The following WSCD1 variants were observed in gnomAD, a reference collection of about 807,000 sequenced individuals.
WSCD1 encodes the protein sialate:O-sulfotransferase 1.
WSCD1 carries 41 observed loss-of-function variants against 60.4 expected under a neutral mutation model. The ratio of observed to expected loss-of-function variants is 0.68; its 90% CI spans 0.53 to 0.88. The LOEUF is 0.88. Among genes scored for constraint, WSCD1 ranks in the 40% least tolerant of loss-of-function variants. The probability of loss-of-function intolerance (pLI) is 0.00; values close to 1 mark genes in which losing one functional copy is unlikely to be tolerated. For synonymous variants in WSCD1, 361 were observed against 332.5 expected (o/e 1.09, Z -0.93); for missense variants, 784 against 796.2 (o/e 0.98, Z 0.18).
rs937454149 is a variant in WSCD1, at chr17:6,101,955, G to A, written c.849+6732G>A. Among the ~76,000 whole-genome samples, 3 of 152,236 alleles carry A rather than the reference G, an allele frequency of 2.0e-5. No individual in the cohort carries two copies. The highest frequency in any genetic ancestry group is 2.9e-5 in the Non-Finnish European group (2 of 68,040). ...ATCTGCAAATAGGTTACTAATGTGA[G>A]ACACTCCACCGGCGATTATACCTTG... On this transcript the variant is annotated intron_variant, in intron 5 of 8. Coordinates refer to ENST00000317744, the MANE Select transcript of WSCD1 (RefSeq NM_015253.2). This position sits in a 1 kb window ranked among gnomAD's most constrained non-coding sequence, Gnocchi z 4.1.
At chr17:6,092,560 C>T (rs549066746) in intron 4 of WSCD1, among the ~76,000 whole-genome samples, 85 of 152,294 alleles carry the variant, frequency 5.6e-4, no homozygotes, top group African/African-American at 1.9e-3. Flanking sequence ...TGCCATGGCA[C>T]GTGGGCACAG....
chr17:6,102,059 G>A (rs1433986196), intron 5 of WSCD1, among the ~76,000 whole-genome samples: 1 of 152,236 alleles, frequency 6.6e-6, no homozygotes, highest in Non-Finnish European at 1.5e-5. Flanking sequence ...GAAGAAAGGT[G>A]TTGAGCTTTC....
In WSCD1 at chr17:6,075,279, C is replaced by A. The variant is rs1908775938; in HGVS notation, c.-289+4627C>A. ...TTCCCTTCAGCTGCCTCTGCCTGTT[C>A]TCTCTGACCGGGGGTCACGGGGAGG... is the stretch of plus-strand genomic sequence containing the variant. On this transcript the variant is annotated intron_variant, in intron 1 of 8. Transcript: ENST00000317744. The surrounding 1 kb of genome is among the most constrained non-coding windows in gnomAD (Gnocchi z 4.1). 6.6e-6 allele frequency among the ~76,000 whole-genome samples: 1 copy of A among 152,170 alleles called. No homozygotes were observed. Among genetic ancestry groups the A allele is most frequent in the African/African-American group, 2.4e-5 (1 of 41,430 alleles).
chr17:6,111,970 A>C (rs923098498), intron 7 of WSCD1, among the ~76,000 whole-genome samples: 1 of 152,238 alleles, frequency 6.6e-6, no homozygotes, highest in Admixed American at 6.5e-5. Flanking sequence ...TAGTTGAATA[A>C]TTAAAATGAA....
At chr17:6,095,279 G>A in intron 5 of WSCD1, 56 bp downstream of exon 5, 2 of 1,556,992 alleles carry the variant, frequency 1.3e-6, no homozygotes, top group Non-Finnish European at 1.7e-6. Flanking sequence ...TGGTGGTCCT[G>A]AGAGAGGGGG....
At chr17:6,091,871 G>A (rs186693138) in intron 4 of WSCD1, among the ~76,000 whole-genome samples, 2 of 152,242 alleles carry the variant, frequency 1.3e-5, no homozygotes, top group African/African-American at 2.4e-5. Context: ...AGAGGTATTG[G>A]AACAGCCGGG....
chr17:6,122,646 G>C lies in WSCD1; in HGVS notation c.*1985G>C, dbSNP rs1904787058. 2 of 152,726 alleles carry C rather than the reference G, an allele frequency of 1.3e-5. No homozygotes were observed. The highest frequency in any genetic ancestry group is 2.9e-5 in the Non-Finnish European group (2 of 68,516). The allele number at this position is 152,726 out of a possible 1,614,324, so 9.5% of individuals were successfully genotyped here. A position where few individuals can be genotyped will look rare whatever the true frequency, so the allele number is the denominator to read the frequency against. ...GCGTGGCAGTGGGGAAGCCATGGAG[G>C]CTGGGAAGGGCAAAGTGTGGAGAGA... On this transcript the variant is annotated 3_prime_UTR_variant, in exon 9 of 9. Coordinates refer to ENST00000317744, the MANE Select transcript of WSCD1 (RefSeq NM_015253.2).
At position 6,080,601 on chromosome 17, in the gene WSCD1, C is replaced by A. The variant is rs1909166960; in HGVS notation, c.-58C>A. ...CCTCCGGAGGCCCTGGCCTCACTCC[C>A]ACCTGGGCGCTAGGAGCCATCCCGG... On this transcript the variant is annotated 5_prime_UTR_variant, in exon 2 of 9. Coordinates refer to ENST00000317744, the MANE Select transcript of WSCD1 (RefSeq NM_015253.2). This position sits in a 1 kb window ranked among gnomAD's most constrained non-coding sequence, Gnocchi z 6.6. The A allele has an allele frequency of 1.3e-6, 2 of 1,586,194 alleles. No homozygotes were observed. Among genetic ancestry groups the A allele is most frequent in the East Asian group, 2.2e-5 (1 of 44,724 alleles).
intron 2 of WSCD1, among the ~76,000 whole-genome samples, chr17:6,087,499 G>T (rs887314371): frequency 6.6e-6 from 1 of 152,192 alleles, no homozygotes; most frequent in Non-Finnish European, 1.5e-5. Context: ...AGCTTTCCCC[G>T]TTTGAAAGAT....
At chr17:6,091,961 C>G (rs1245586118) in intron 4 of WSCD1, among the ~76,000 whole-genome samples, 4 of 152,094 alleles carry the variant, frequency 2.6e-5, no homozygotes, top group African/African-American at 4.8e-5. Flanking sequence ...TCGAGACCAG[C>G]CTGACCAACA....
chr17:6,106,828 G>A (rs982055723), intron 5 of WSCD1, among the ~76,000 whole-genome samples: 4 of 152,170 alleles, frequency 2.6e-5, no homozygotes, highest in African/African-American at 4.8e-5. Context: ...CTTGAAGAAA[G>A]TGAGGGAGAG....
At chr17:6,073,277 A>C (rs192478437) in intron 1 of WSCD1, among the ~76,000 whole-genome samples, 311 of 152,338 alleles carry the variant, frequency 2.0e-3, no homozygotes, top group African/African-American at 6.1e-3. Flanking sequence ...ACGACCCTTA[A>C]GCTTTCAGCA....
chr17:6,089,725 C>G (rs997564712), intron 3 of WSCD1, among the ~76,000 whole-genome samples: 1 of 152,282 alleles, frequency 6.6e-6, no homozygotes. Context: ...CTCTCCCTGT[C>G]GCATACTGAG....
intron 5 of WSCD1, among the ~76,000 whole-genome samples, chr17:6,098,899 T>C (rs543980511): frequency 3.7e-4 from 57 of 152,124 alleles, no homozygotes; most frequent in Admixed American, 5.9e-4. Context: ...GGAAGGAGGC[T>C]GAGAAAGGAA....
Position 6,120,996 on chromosome 17 carries a change from C to G in WSCD1, c.*335C>G, listed in dbSNP as rs1904662424. On this transcript the variant is annotated 3_prime_UTR_variant, in exon 9 of 9. Transcript: ENST00000317744. ...CAAATGCAGCCACGCACAGACGTAA[C>G]ACACAGGTGCCAGGCCGTGTGCTCC... 6.2e-6 allele frequency: 2 copies of G among 322,556 alleles called. No individual in the cohort carries two copies. Among genetic ancestry groups the G allele is most frequent in the African/African-American group, 4.2e-5 (2 of 47,354 alleles). The allele number at this position is 322,556 out of a possible 1,614,324, so 20.0% of individuals were successfully genotyped here.
chr17:6,110,522 A>G lies in WSCD1; in HGVS notation c.1010-249A>G, dbSNP rs1911350476. Among the ~76,000 whole-genome samples, 1 of 152,208 alleles carries G rather than the reference A, an allele frequency of 6.6e-6. No individual in the cohort carries two copies. Among genetic ancestry groups the G allele is most frequent in the Non-Finnish European group, 1.5e-5 (1 of 68,026 alleles). On this transcript the variant is annotated intron_variant, in intron 6 of 8. Coordinates refer to ENST00000317744, the MANE Select transcript of WSCD1 (RefSeq NM_015253.2). This position sits in a 1 kb window ranked among gnomAD's most constrained non-coding sequence, Gnocchi z 4.8. ...GAGACAGAATGGGAGTCGAGGGTCC[A>G]TAGGGTGTCTGATTCCCATCTTACT...
chr17:6,090,375 G>A lies in WSCD1; in HGVS notation c.597G>A (p.Arg199=), dbSNP rs749668891. Residue 199 remains arginine, a synonymous_variant, in exon 4 of 9, where the codon CGG becomes CGA. Coordinates refer to ENST00000317744, the MANE Select transcript of WSCD1 (RefSeq NM_015253.2). The part of the protein sequence containing the change: ...EAGAECYCGN[R]LPAVSVGLEE... ...GGGCGGAGTGTTACTGCGGGAACCG[G>A]CTGCCAGCGGTGAGCGTGGGGCTGG... 2.5e-6 allele frequency: 4 copies of A among 1,609,622 alleles called. No homozygotes were observed. The Admixed American group carries it at 5.1e-5, about 20-fold the overall frequency.
intron 5 of WSCD1, among the ~76,000 whole-genome samples, chr17:6,108,504 G>A (rs1304478565): frequency 6.6e-6 from 1 of 152,124 alleles, no homozygotes; most frequent in Non-Finnish European, 1.5e-5. Context: ...CCATACATGT[G>A]GGAGAGGTGG....
Position 6,101,060 on chromosome 17 carries a change from G to A in WSCD1, c.849+5837G>A, listed in dbSNP as rs536541638. ...TCCTCTCTTCCCTCCTGAATGTTGA[G>A]GGTGGCGAGAGAGGTGAATCTGGGG... On this transcript the variant is annotated intron_variant, in intron 5 of 8. Coordinates refer to ENST00000317744, the MANE Select transcript of WSCD1 (RefSeq NM_015253.2). The surrounding 1 kb of genome is among the most constrained non-coding windows in gnomAD (Gnocchi z 4.1). 5.4e-4 allele frequency among the ~76,000 whole-genome samples: 82 copies of A among 152,174 alleles called. No individual in the cohort carries two copies. The highest frequency in any genetic ancestry group is 1.9e-3 in the African/African-American group (79 of 41,436).
Sources: gnomAD v4.1 joint callset for allele counts (sites outside exome capture counted in the v4.1 genomes callset) on GRCh38, gnomAD v4.1.1 for gene constraint, Gnocchi (gnomAD v3.1) non-coding constraint, MANE v1.5 for transcripts, NCBI Gene and HGNC (gene_info 2026-07-23, HGNC 2026-07-21) for gene names.